Variants in ADGRB3 observed in about 807,000 individuals in gnomAD.
ADGRB3 encodes brain-specific angiogenesis inhibitor 3.
In ADGRB3, 37 loss-of-function variants were observed where a neutral mutation model predicts 193.4. The observed-to-expected ratio is 0.19, with a 90% CI of 0.15 to 0.25. The LOEUF is 0.25. ADGRB3 is among the 10% of genes least tolerant of loss of function. The probability of loss-of-function intolerance (pLI) is 1.00; values close to 1 mark genes in which losing one functional copy is unlikely to be tolerated. For synonymous variants in ADGRB3, 690 were observed against 644.2 expected, an observed-to-expected ratio of 1.07 and a Z score of -1.08; for missense variants, 1,637 against 1,852.9, an observed-to-expected ratio of 0.88 and a Z score of 2.14.
chr6:68,991,193 G>T (rs1769227295), intron 10 of ADGRB3, among the ~76,000 whole-genome samples: 1 of 152,066 alleles, frequency 6.6e-6, no homozygotes, highest in Non-Finnish European at 1.5e-5. Context: ...TTTCAAGTGT[G>T]CCTAACTTAA....
chr6:69,272,411 G>T (rs1325511227), intron 20 of ADGRB3, among the ~76,000 whole-genome samples: 1 of 152,148 alleles, frequency 6.6e-6, no homozygotes, highest in Non-Finnish European at 1.5e-5. Context: ...GAAAGGAAAA[G>T]TTAGAGAAAA....
At chr6:69,083,909 A>T (rs1203675716) in intron 17 of ADGRB3, among the ~76,000 whole-genome samples, 1 of 151,020 alleles carries the variant, frequency 6.6e-6, no homozygotes, top group East Asian at 2.0e-4. Flanking sequence ...TGATTAGCTG[A>T]GATTACAGGT....
chr6:68,729,610 G>T lies in ADGRB3; in HGVS notation c.757+90178G>T, dbSNP rs191546398. On this transcript the variant is annotated intron_variant, in intron 3 of 31. Transcript: ENST00000370598. ...AATTAAGGGCGCTAAGCCACTTTTG[G>T]GTCCTATAAGAATCCCCAAGAATCT... is the stretch of plus-strand genomic sequence containing the variant. Among the ~76,000 whole-genome samples the T allele has an allele frequency of 3.2e-3, 488 of 151,454 alleles. 3 individuals are homozygous for T. Among genetic ancestry groups the T allele is most frequent in the African/African-American group, 0.011 (467 of 41,404 alleles).
At chr6:68,760,553 A>G (rs918400947) in intron 3 of ADGRB3, among the ~76,000 whole-genome samples, 1 of 152,230 alleles carries the variant, frequency 6.6e-6, no homozygotes, top group African/African-American at 2.4e-5. Flanking sequence ...TATGAAAACA[A>G]GACAAGGCAA....
intron 3 of ADGRB3, among the ~76,000 whole-genome samples, chr6:68,867,724 A>G (rs904140809): frequency 6.6e-6 from 1 of 152,230 alleles, no homozygotes; most frequent in African/African-American, 2.4e-5. Flanking sequence ...TGGGAGGCCA[A>G]TCTTTGTATC....
chr6:68,980,535 C>T (rs1010922615), intron 10 of ADGRB3, among the ~76,000 whole-genome samples: 2 of 151,448 alleles, frequency 1.3e-5, no homozygotes, highest in African/African-American at 4.8e-5. Flanking sequence ...GCCTAAAAGA[C>T]GATAACACAT....
At chr6:68,959,720 A>C (rs1246010058) in intron 8 of ADGRB3, among the ~76,000 whole-genome samples, 1 of 152,140 alleles carries the variant, frequency 6.6e-6, no homozygotes, top group East Asian at 1.9e-4. Flanking sequence ...TGATGACAAA[A>C]AATGTATTTC....
At chr6:69,093,106 G>A (rs1188183232) in intron 17 of ADGRB3, among the ~76,000 whole-genome samples, 5 of 151,866 alleles carry the variant, frequency 3.3e-5, no homozygotes, top group African/African-American at 4.8e-5. Flanking sequence ...AAGGAAGAGC[G>A]GGGTGGGCAC....
chr6:69,119,906 T>A (rs569574160), intron 17 of ADGRB3, among the ~76,000 whole-genome samples: 1 of 152,222 alleles, frequency 6.6e-6, no homozygotes, highest in African/African-American at 2.4e-5. Context: ...GTGTTGGCAA[T>A]GGGTTATTTA....
At chr6:69,381,251 T>G (rs532684473) in intron 30 of ADGRB3, among the ~76,000 whole-genome samples, 2 of 152,092 alleles carry the variant, frequency 1.3e-5, no homozygotes, top group South Asian at 4.1e-4. Context: ...GGTGTTTCTC[T>G]GTTAATCCTG....
chr6:69,088,293 A>T (rs1254457721), intron 17 of ADGRB3, among the ~76,000 whole-genome samples: 1 of 152,238 alleles, frequency 6.6e-6, no homozygotes, highest in African/African-American at 2.4e-5. Flanking sequence ...ATACGTTAAA[A>T]AAAACACAAT....
At chr6:69,132,124 T>A (rs1446724689) in intron 17 of ADGRB3, among the ~76,000 whole-genome samples, 1 of 152,196 alleles carries the variant, frequency 6.6e-6, no homozygotes, top group Non-Finnish European at 1.5e-5. Flanking sequence ...TGGTTTATAA[T>A]CCTTTGGGTA....
intron 13 of ADGRB3, among the ~76,000 whole-genome samples, chr6:69,031,035 TTC>T (rs1307931398): frequency 9.5e-5 from 6 of 62,928 alleles, no homozygotes; most frequent in South Asian, 4.2e-4. Flanking sequence ...TCCTCTTCTC[TTC>T]TCTCTTCTCT....
intron 3 of ADGRB3, among the ~76,000 whole-genome samples, chr6:68,805,159 A>T (rs1200705589): frequency 6.6e-6 from 1 of 152,066 alleles, no homozygotes; most frequent in Non-Finnish European, 1.5e-5. Flanking sequence ...TATCTATCTA[A>T]TTCCCGGCCT....
At chr6:69,259,695 CAAA>C (rs397887907) in intron 20 of ADGRB3, among the ~76,000 whole-genome samples, 26 of 76,150 alleles carry the variant, frequency 3.4e-4, no homozygotes, top group Middle Eastern at 5.9e-3. Flanking sequence ...GACTCTGTCT[CAAA>C]AAAAAAAAAA....
chr6:69,269,380 A>C (rs1209764732), intron 20 of ADGRB3, among the ~76,000 whole-genome samples: 2 of 151,592 alleles, frequency 1.3e-5, no homozygotes, highest in Non-Finnish European at 2.9e-5. Context: ...TGTCCAATGT[A>C]AAAAAAAATT....
intron 17 of ADGRB3, among the ~76,000 whole-genome samples, chr6:69,185,280 T>G (rs1765044678): frequency 6.6e-6 from 1 of 152,022 alleles, no homozygotes; most frequent in African/African-American, 2.4e-5. Flanking sequence ...CAGAGAAGAG[T>G]ACAGCATAAA....
intron 3 of ADGRB3, among the ~76,000 whole-genome samples, chr6:68,714,567 A>G (rs73463905): frequency 0.032 from 4,914 of 151,936 alleles, 142 homozygotes; most frequent in African/African-American, 0.073. Context: ...CATTGTGTTG[A>G]AAGTTGTTTT....
intron 3 of ADGRB3, among the ~76,000 whole-genome samples, chr6:68,828,185 G>GC (rs1473964854): frequency 7.0e-6 from 1 of 142,346 alleles, no homozygotes; most frequent in Admixed American, 7.4e-5. Context: ...TAATACAGGT[G>GC]CCTTTTTTTT....
Sources: allele counts gnomAD v4.1 joint callset (sites outside exome capture counted in the v4.1 genomes callset), GRCh38; gene constraint gnomAD v4.1.1; transcripts MANE v1.5; gene names NCBI Gene and HGNC (gene_info 2026-07-23, HGNC 2026-07-21).